ESR1: variants seen among roughly 807,000 people sequenced by gnomAD.
The protein encoded by ESR1 is estrogen receptor.
In ESR1, 12 loss-of-function variants were observed where a neutral mutation model predicts 52.7. That is an observed-to-expected ratio of 0.23 (90% CI 0.15 to 0.37). The LOEUF (loss-of-function observed/expected upper bound fraction) is 0.37. Among genes scored for constraint, ESR1 ranks in the 10% least tolerant of loss-of-function variants. The pLI, the probability that ESR1 is intolerant of heterozygous loss-of-function variation, is 1.00. For synonymous variants in ESR1, 305 were observed against 316.8 expected (o/e 0.96, Z 0.39); for missense variants, 584 against 779.7 (o/e 0.75, Z 2.99).
At chr6:151,686,137 T>C (rs12189985), upstream of ESR1, among the ~76,000 whole-genome samples, 1 of 150,130 alleles carries the variant, frequency 6.7e-6, no homozygotes, top group Non-Finnish European at 1.5e-5. Flanking sequence ...CTTGAACTTC[T>C]AGGCTCAAAT....
rs184726891 is a variant in ESR1 at position 151,754,072 on chromosome 6, G to T, written c.-71+52067G>T. Among the ~76,000 whole-genome samples, 199 of 152,296 alleles carry T rather than the reference G, an allele frequency of 1.3e-3. 1 individual carries two copies. Among genetic ancestry groups the T allele is most frequent in the African/African-American group, 4.5e-3 (188 of 41,570 alleles). ...CTCCCACAAACAGAGAAAACCTTCA[G>T]AAGCAGCAGGAAGGACAGAGTAAAT... On this transcript the variant is annotated intron_variant, in intron 2 of 2. Coordinates refer to the ESR1 transcript ENST00000404742.
chr6:151,704,383 T>C (rs1017504477), intron 2 of ESR1, among the ~76,000 whole-genome samples: 2 of 151,978 alleles, frequency 1.3e-5, no homozygotes, highest in African/African-American at 4.8e-5. Flanking sequence ...GGATTACAGG[T>C]GCCCGCCACC....
intron 2 of ESR1, among the ~76,000 whole-genome samples, chr6:151,877,632 T>C (rs1392842280): frequency 6.6e-6 from 1 of 152,212 alleles, no homozygotes; most frequent in Non-Finnish European, 1.5e-5. Flanking sequence ...CTACAGTGGA[T>C]GGCCAGTGCA....
intron 1 of ESR1, among the ~76,000 whole-genome samples, chr6:151,815,857 C>T (rs183465110): frequency 6.6e-6 from 1 of 152,328 alleles, no homozygotes; most frequent in Non-Finnish European, 1.5e-5. Flanking sequence ...AGACTATAAA[C>T]AAGTGTCCCT....
At chr6:151,817,009 G>A (rs1779764506) in intron 1 of ESR1, among the ~76,000 whole-genome samples, 1 of 152,230 alleles carries the variant, frequency 6.6e-6, no homozygotes, top group African/African-American at 2.4e-5. Context: ...GCTGAGGTAA[G>A]CAGCTTATGG....
intron 1 of ESR1, among the ~76,000 whole-genome samples, chr6:151,682,421 G>A (rs1297037470): frequency 6.6e-6 from 1 of 152,098 alleles, no homozygotes; most frequent in Non-Finnish European, 1.5e-5. Flanking sequence ...GCCGGGAGCT[G>A]GTTCACAGCA....
intron 2 of ESR1, among the ~76,000 whole-genome samples, chr6:151,710,147 T>C (rs986877006): frequency 1.3e-5 from 2 of 152,000 alleles, no homozygotes; most frequent in Non-Finnish European, 2.9e-5. Context: ...CTAATCTATT[T>C]ATTTGTTGCC....
intron 2 of ESR1, among the ~76,000 whole-genome samples, chr6:151,726,051 G>A (rs1781813567): frequency 6.6e-6 from 1 of 152,168 alleles, no homozygotes; most frequent in Non-Finnish European, 1.5e-5. Flanking sequence ...TTTGATGTAT[G>A]CAGGGCACGG....
At chr6:151,771,255 T>C (rs1785489137) in intron 2 of ESR1, among the ~76,000 whole-genome samples, 1 of 152,202 alleles carries the variant, frequency 6.6e-6, no homozygotes, top group Non-Finnish European at 1.5e-5. Context: ...TCCATGCCTA[T>C]TGTTGTCCTC....
At chr6:151,871,808 G>A (rs1263303243) in intron 2 of ESR1, among the ~76,000 whole-genome samples, 8 of 152,110 alleles carry the variant, frequency 5.3e-5, no homozygotes, top group South Asian at 4.2e-4. Context: ...TTCTAGGTAC[G>A]TCATGTAAGT....
At chr6:151,822,617 C>T (rs540061270) in intron 1 of ESR1, among the ~76,000 whole-genome samples, 10 of 152,256 alleles carry the variant, frequency 6.6e-5, no homozygotes, top group African/African-American at 2.4e-4. Flanking sequence ...AATTGAATCT[C>T]CATGAAGGAG....
chr6:152,051,309 C>G (rs1308782478), intron 5 of ESR1, among the ~76,000 whole-genome samples: 2 of 152,154 alleles, frequency 1.3e-5, no homozygotes, highest in African/African-American at 4.8e-5. Context: ...GAGCCACATC[C>G]ACTGTCTACT....
At chr6:151,739,027 C>T (rs968180893) in intron 2 of ESR1, among the ~76,000 whole-genome samples, 2 of 152,164 alleles carry the variant, frequency 1.3e-5, no homozygotes, top group Admixed American at 6.5e-5. Flanking sequence ...CATTTTCAAA[C>T]CATGGAATAT....
At chr6:151,793,727 T>C (rs1776429407) in intron 2 of ESR1, among the ~76,000 whole-genome samples, 1 of 152,192 alleles carries the variant, frequency 6.6e-6, no homozygotes, top group African/African-American at 2.4e-5. Context: ...ATGTGGTGCA[T>C]GACTATATTT....
chr6:151,990,151 T>C (rs765482148), intron 4 of ESR1, among the ~76,000 whole-genome samples: 5 of 152,142 alleles, frequency 3.3e-5, no homozygotes, highest in Non-Finnish European at 5.9e-5. Context: ...TTTAAACATC[T>C]TCTGAAATGT....
At chr6:152,109,970 A>G (rs1241915687) in intron 6 of ESR1, among the ~76,000 whole-genome samples, 3 of 152,200 alleles carry the variant, frequency 2.0e-5, no homozygotes, top group Non-Finnish European at 2.9e-5. Context: ...GTGAGACAGC[A>G]TACACACCCA....
chr6:151,991,897 A>G (rs935980514), intron 4 of ESR1, among the ~76,000 whole-genome samples: 1 of 152,020 alleles, frequency 6.6e-6, no homozygotes, highest in Non-Finnish European at 1.5e-5. Flanking sequence ...CGGGCCACTC[A>G]TCTCGTCGCA....
intron 1 of ESR1, chr6:151,813,343 A>G (rs1048605276): frequency 1.3e-5 from 2 of 152,098 alleles, no homozygotes; most frequent in African/African-American, 4.8e-5. Context: ...CTTTCTTACA[A>G]CCCGCTTGTA....
intron 1 of ESR1, among the ~76,000 whole-genome samples, chr6:151,819,481 C>T (rs1263608141): frequency 1.3e-5 from 2 of 152,140 alleles, no homozygotes; most frequent in Non-Finnish European, 2.9e-5. Flanking sequence ...AGCTCCGCCT[C>T]CTGTCAGATC....
Sources: gnomAD v4.1 joint callset for allele counts (sites outside exome capture counted in the v4.1 genomes callset) on GRCh38, gnomAD v4.1.1 for gene constraint, MANE v1.5 for transcripts, NCBI Gene and HGNC (gene_info 2026-07-23, HGNC 2026-07-21) for gene names.